The following CELSR1 variants were observed in gnomAD, a reference collection of about 807,000 sequenced individuals.
CELSR1 encodes the protein cadherin EGF LAG seven-pass G-type receptor 1.
A neutral mutation model predicts 249.1 loss-of-function variants in CELSR1; 110 were observed. That is an observed-to-expected ratio of 0.44 (90% CI 0.38 to 0.52). CELSR1 has a LOEUF of 0.52. CELSR1 is among the 20% of genes least tolerant of loss of function. CELSR1 has a pLI of 0.00. For missense variants in CELSR1, 4,109 were observed against 4,296.4 expected (o/e 0.96, Z 1.22); for synonymous variants, 2,113 against 1,900.0 (o/e 1.11, Z -2.92).
At chr22:46,394,769 C>T (rs114089911) in intron 13 of CELSR1, among the ~76,000 whole-genome samples, 165 of 152,358 alleles carry the variant, frequency 1.1e-3, no homozygotes, top group African/African-American at 3.6e-3. Flanking sequence ...TAGCATGCCC[C>T]TTAGGACGGC....
At chr22:46,501,787 A>G (rs1466578849) in intron 1 of CELSR1, among the ~76,000 whole-genome samples, 2 of 152,194 alleles carry the variant, frequency 1.3e-5, no homozygotes, top group African/African-American at 4.8e-5. Flanking sequence ...TCCAAGAGTA[A>G]TTCCCCAAAA....
chr22:46,373,649 A>T (rs1299075793), intron 24 of CELSR1, among the ~76,000 whole-genome samples: 2 of 93,632 alleles, frequency 2.1e-5, no homozygotes, highest in Non-Finnish European at 4.1e-5. Flanking sequence ...AAATGGGAGA[A>T]TGGGGAGATG....
At position 46,484,708 on chromosome 22, in the gene CELSR1, C is replaced by A. The variant is rs116638236; in HGVS notation, c.3545-20363G>T. Among the ~76,000 whole-genome samples the A allele has an allele frequency of 4.3e-4, 59 of 137,420 alleles. No homozygotes were observed. The highest frequency in any genetic ancestry group is 7.8e-5 in the Non-Finnish European group (5 of 64,126). The allele number at this position is 137,420 out of a possible 152,430, so 90.2% of individuals were successfully genotyped here. On this transcript the variant is annotated intron_variant, in intron 1 of 34. Transcript: ENST00000674500. The surrounding 1 kb of genome is among the most constrained non-coding windows in gnomAD (Gnocchi z 4.5). ...TGGCCATCAGAGATGCTGGAGTGAG[C>A]GCTCACAGGGACCCCGCCCAGGTGC...
chr22:46,535,077 C>G lies in CELSR1; in HGVS notation c.2094G>C (p.Glu698Asp), dbSNP rs755552657. 2 of 1,612,458 alleles carry G rather than the reference C, an allele frequency of 1.2e-6. No homozygotes were observed. The highest frequency in any genetic ancestry group is 1.7e-6 in the Non-Finnish European group (2 of 1,179,992). Residue 698 changes from glutamate to aspartate, a missense_variant, in exon 1 of 35, where the codon GAG (glutamate) becomes GAC (aspartate). Glu to Asp is a conservative substitution (Grantham distance 45). Coordinates refer to ENST00000674500, the MANE Select transcript of CELSR1 (RefSeq NM_001378328.1). ...TQPTYELRLN[E>D]DAAVGSSVLT... ...GCACGCTGCTCCCCACGGCCGCATC[C>G]TCATTCAGACGAAGCTCGTAGGTGG...
rs939702481 is a variant in CELSR1, at chr22:46,397,904, T to A, written c.5527-56A>T. 3.2e-5 allele frequency: 44 copies of A among 1,385,954 alleles called. No individual in the cohort carries two copies. In the African/African-American group the frequency reaches 5.8e-4, roughly 18 times the overall value. 85.9% of individuals were successfully genotyped at this position (1,385,954 alleles called of 1,614,324 possible). A position where few individuals can be genotyped will look rare whatever the true frequency, so the allele number is the denominator to read the frequency against. On this transcript the variant is annotated intron_variant, in intron 11 of 34. Coordinates refer to ENST00000674500, the MANE Select transcript of CELSR1 (RefSeq NM_001378328.1). ...GGAGCCCGGAAAGGTATGTAGGGGT[T>A]AAGGGAACCCTGAGACCTCTCTGGT...
intron 24 of CELSR1, among the ~76,000 whole-genome samples, chr22:46,375,604 CA>C (rs1470593262): frequency 8.1e-5 from 12 of 147,884 alleles, no homozygotes; most frequent in African/African-American, 1.5e-4. Context: ...AGTGCAGTGG[CA>C]CCATCTCAGC....
intron 4 of CELSR1, among the ~76,000 whole-genome samples, chr22:46,435,406 T>C (rs1448121529): frequency 1.3e-5 from 2 of 150,020 alleles, no homozygotes; most frequent in African/African-American, 5.0e-5. Flanking sequence ...CTCAGCCTCC[T>C]GAGTGGCTGG....
rs901996623 is a variant in CELSR1 at position 46,428,566 on chromosome 22, C to T, written c.4611+4827G>A. On this transcript the variant is annotated intron_variant, in intron 5 of 34. Coordinates refer to ENST00000674500, the MANE Select transcript of CELSR1 (RefSeq NM_001378328.1). The surrounding 1 kb of genome is among the most constrained non-coding windows in gnomAD (Gnocchi z 5.7). Reference sequence around the variant, plus strand: ...CTCAGGGGCCTGACAATGATGAAGACCTCTTGGTTGTCAAAACCGGGTTAG... The same window carrying T: ...CTCAGGGGCCTGACAATGATGAAGATCTCTTGGTTGTCAAAACCGGGTTAG... Among the ~76,000 whole-genome samples the T allele has an allele frequency of 6.6e-6, 1 of 152,238 alleles. No homozygotes were observed.
chr22:46,409,050 C>T lies in CELSR1; in HGVS notation c.5172G>A (p.Glu1724=). ...TGGTGGCCTCCATCAGAACGCTGTC[C>T]TCCTTCCGGGTCCGGAACATGAGCC... is the stretch of plus-strand genomic sequence containing the variant. The part of the protein sequence containing the change: ...YLGLMFRTRK[E]DSVLMEATSG... The change falls in exon 9 of 35, where the codon GAG becomes GAA. Residue 1724 remains glutamate (E), a synonymous_variant. Coordinates refer to ENST00000674500, the MANE Select transcript of CELSR1 (RefSeq NM_001378328.1). The surrounding 1 kb of genome is among the most constrained non-coding windows in gnomAD (Gnocchi z 9.8). 2.5e-6 allele frequency: 4 copies of T among 1,613,368 alleles called. No homozygotes were observed. The highest frequency in any genetic ancestry group is 3.4e-6 in the Non-Finnish European group (4 of 1,179,820).
Position 46,484,732 on chromosome 22 carries a change from G to A in CELSR1, c.3545-20387C>T, listed in dbSNP as rs947687940. Among the ~76,000 whole-genome samples the A allele has an allele frequency of 1.4e-5, 2 of 140,652 alleles. No homozygotes were observed. The highest frequency in any genetic ancestry group is 3.1e-5 in the Non-Finnish European group (2 of 65,418). 92.3% of individuals were successfully genotyped at this position (140,652 alleles called of 152,430 possible). ...GCGCTCACAGGGACCCCGCCCAGGT[G>A]CTGGGGAGGTCCGGCTGCTGCCTGA... On this transcript the variant is annotated intron_variant, in intron 1 of 34. Coordinates refer to ENST00000674500, the MANE Select transcript of CELSR1 (RefSeq NM_001378328.1). The surrounding 1 kb of genome is among the most constrained non-coding windows in gnomAD (Gnocchi z 4.5).
At position 46,537,034 on chromosome 22, in the gene CELSR1, G is replaced by T. The variant is rs560689105; in HGVS notation, c.137C>A (p.Pro46His). The T allele has an allele frequency of 2.4e-5, 26 of 1,100,356 alleles. No homozygotes were observed. The African/African-American group carries it at 4.4e-4, about 18-fold the overall frequency. 68.2% of individuals were successfully genotyped at this position (1,100,356 alleles called of 1,614,324 possible). ...GGCGCCCACCGCGTAGGTACAGCCG[G>T]GCCGGAGGGCGAAGGCGCGGGTCCC... ...PGGTRAFALR[P>H]GCTYAVGAAC... The change falls in exon 1 of 35, where the codon CCC becomes CAC. Residue 46 changes from proline (P) to histidine (H), a missense_variant. This residue lies in a region of CELSR1 where 673 missense variants were observed against 636.8 expected (regional missense o/e 1.06). Transcript: ENST00000674500. The surrounding 1 kb of genome is among the most constrained non-coding windows in gnomAD (Gnocchi z 5.8).
chr22:46,427,888 G>A lies in CELSR1; in HGVS notation c.4611+5505C>T, dbSNP rs2079553281. ...AAACCTCACCCTGACCCAAGTGTCT[G>A]GGTGGAAGTCCTCGAGTTTTTAGAA... On this transcript the variant is annotated intron_variant, in intron 5 of 34. Coordinates refer to ENST00000674500, the MANE Select transcript of CELSR1 (RefSeq NM_001378328.1). This position sits in a 1 kb window ranked among gnomAD's most constrained non-coding sequence, Gnocchi z 4.2. Among the ~76,000 whole-genome samples, 1 of 152,158 alleles carries A rather than the reference G, an allele frequency of 6.6e-6. No homozygotes were observed. The highest frequency in any genetic ancestry group is 1.5e-5 in the Non-Finnish European group (1 of 68,028).
Position 46,454,572 on chromosome 22 carries a change from CT to C in CELSR1, c.4183+9134del. 6.6e-6 allele frequency among the ~76,000 whole-genome samples: 1 copy of C among 152,362 alleles called. No individual in the cohort carries two copies. Among genetic ancestry groups the C allele is most frequent in the East Asian group, 1.9e-4 (1 of 5,178 alleles). On this transcript the variant is annotated intron_variant, in intron 2 of 34. Transcript: ENST00000674500. The surrounding 1 kb of genome is among the most constrained non-coding windows in gnomAD (Gnocchi z 5.1). The stretch of plus-strand genomic sequence containing the variant: ...TTGCATGCGGCTCGTCTTCAGGCCA[CT>C]TTTCTAACTGTGGGCCAGACATTTC...
intron 1 of CELSR1, among the ~76,000 whole-genome samples, chr22:46,529,621 G>A (rs2147811930): frequency 6.6e-6 from 1 of 151,648 alleles, no homozygotes; most frequent in South Asian, 2.1e-4. Context: ...TGGCCAACAT[G>A]GTGAAACCTT....
At chr22:46,514,771 C>A (rs1347977073) in intron 1 of CELSR1, among the ~76,000 whole-genome samples, 1 of 152,146 alleles carries the variant, frequency 6.6e-6, no homozygotes, top group Non-Finnish European at 1.5e-5. Context: ...CAGCCCTGTC[C>A]TGCCTCGCTG....
rs917568631 is a variant in CELSR1 at position 46,527,153 on chromosome 22, C to T, written c.3544+6474G>A. Among the ~76,000 whole-genome samples, 16 of 152,276 alleles carry T rather than the reference C, an allele frequency of 1.1e-4. No homozygotes were observed. The highest frequency in any genetic ancestry group is 1.6e-4 in the Non-Finnish European group (11 of 68,012). On this transcript the variant is annotated intron_variant, in intron 1 of 34. Coordinates refer to ENST00000674500, the MANE Select transcript of CELSR1 (RefSeq NM_001378328.1). This position sits in a 1 kb window ranked among gnomAD's most constrained non-coding sequence, Gnocchi z 5.5. Reference sequence around the variant, plus strand: ...CGGTACTTTCCATACCACAGTGTGGCGGCTGGAAAACTGCAAGCGATGGGG... The same window carrying T: ...CGGTACTTTCCATACCACAGTGTGGTGGCTGGAAAACTGCAAGCGATGGGG...
intron 1 of CELSR1, among the ~76,000 whole-genome samples, chr22:46,498,278 C>CAAA: frequency 4.5e-5 from 1 of 22,368 alleles, no homozygotes; most frequent in Non-Finnish European, 8.6e-5. Context: ...AAAAAAAAAG[C>CAAA]GAAACTCTGT....
intron 5 of CELSR1, among the ~76,000 whole-genome samples, chr22:46,418,901 C>T (rs774151948): frequency 2.6e-5 from 4 of 152,208 alleles, no homozygotes; most frequent in Admixed American, 6.5e-5. Flanking sequence ...TCCTGATGGA[C>T]GTATACAGTA....
In CELSR1 at chr22:46,534,825, G is replaced by C. The variant is rs371145693; in HGVS notation, c.2346C>G (p.Ala782=). The change falls in exon 1 of 35, where the codon GCC becomes GCG. Residue 782 remains alanine, a synonymous_variant. Coordinates refer to ENST00000674500, the MANE Select transcript of CELSR1 (RefSeq NM_001378328.1). The surrounding 1 kb of genome is among the most constrained non-coding windows in gnomAD (Gnocchi z 9.7). The part of the protein sequence containing the change: ...TAHVLINVTD[A]NTHRPVFQSS... ...TCTGAAAGACAGGCCTGTGGGTGTT[G>C]GCATCAGTGACGTTGATTAGGACAT... 2.5e-6 allele frequency: 4 copies of C among 1,612,944 alleles called. No individual in the cohort carries two copies. Among genetic ancestry groups the C allele is most frequent in the Non-Finnish European group, 2.5e-6 (3 of 1,179,940 alleles).
Sources: allele counts gnomAD v4.1 joint callset (sites outside exome capture counted in the v4.1 genomes callset), GRCh38; gene constraint gnomAD v4.1.1; regional missense constraint gnomAD v4.1.1; non-coding constraint Gnocchi (gnomAD v3.1); transcripts MANE v1.5; gene names NCBI Gene and HGNC (gene_info 2026-07-23, HGNC 2026-07-21).